The following KCNB2 variants were observed in gnomAD, a reference collection of about 807,000 sequenced individuals.
KCNB2 encodes the protein delayed rectifier potassium channel protein.
KCNB2 carries 15 observed loss-of-function variants against 61.5 expected under a neutral mutation model. The observed-to-expected ratio is 0.24, with a 90% CI of 0.16 to 0.38. The LOEUF (loss-of-function observed/expected upper bound fraction) is 0.38, where lower values mean the gene tolerates loss of function less well. Ranked by LOEUF, KCNB2 falls within the 10% of genes least tolerant of loss-of-function variation. KCNB2 has a pLI of 1.00. For synonymous variants in KCNB2, 457 were observed against 446.0 expected, an observed-to-expected ratio of 1.02 and a Z score of -0.31; for missense variants, 828 against 1,125.2, an observed-to-expected ratio of 0.74 and a Z score of 3.78.
chr8:72,563,726 T>C (rs1232230245), intron 1 of KCNB2, among the ~76,000 whole-genome samples: 2 of 152,116 alleles, frequency 1.3e-5, no homozygotes, highest in African/African-American at 4.8e-5. Flanking sequence ...TCAAAGGCAC[T>C]GTTGATCAGG....
chr8:72,923,531 A>AC lies in KCNB2; in HGVS notation c.580-12403dup, dbSNP rs564993421. Among the ~76,000 whole-genome samples the AC allele has an allele frequency of 8.4e-3, 1,284 of 152,244 alleles. 9 individuals are homozygous for AC. The highest frequency in any genetic ancestry group is 0.012 in the Non-Finnish European group (784 of 68,000). ...GTCCCTGAATTCCAAAGGGTGGAGCACATAATAAGGCATGTCCAACCCCCA... is the reference window on the plus strand; with the variant it reads ...GTCCCTGAATTCCAAAGGGTGGAGCACCATAATAAGGCATGTCCAACCCCCA... On this transcript the variant is annotated intron_variant, in intron 2 of 2. Coordinates refer to ENST00000523207, the MANE Select transcript of KCNB2 (RefSeq NM_004770.3).
At chr8:72,828,842 C>G (rs1809642199) in intron 2 of KCNB2, among the ~76,000 whole-genome samples, 1 of 152,122 alleles carries the variant, frequency 6.6e-6, no homozygotes, top group Non-Finnish European at 1.5e-5. Flanking sequence ...TTCTAGCACT[C>G]AAAGAAAGCT....
At chr8:72,741,606 A>G (rs1188590535) in intron 2 of KCNB2, among the ~76,000 whole-genome samples, 1 of 151,516 alleles carries the variant, frequency 6.6e-6, no homozygotes, top group Admixed American at 6.6e-5. Flanking sequence ...AGTCCATTGT[A>G]TCATTTTTAT....
intron 2 of KCNB2, among the ~76,000 whole-genome samples, chr8:72,655,331 A>G (rs1806274106): frequency 6.6e-6 from 1 of 152,120 alleles, no homozygotes. Context: ...AGATTGAAAA[A>G]CTACCTATTG....
At chr8:72,590,926 A>G (rs1468249703) in intron 2 of KCNB2, among the ~76,000 whole-genome samples, 1 of 152,196 alleles carries the variant, frequency 6.6e-6, no homozygotes, top group Non-Finnish European at 1.5e-5. Flanking sequence ...TTTTAATTAT[A>G]GTAGCTAAAA....
intron 2 of KCNB2, among the ~76,000 whole-genome samples, chr8:72,653,366 T>C (rs546003476): frequency 6.6e-6 from 1 of 152,294 alleles, no homozygotes; most frequent in South Asian, 2.1e-4. Flanking sequence ...TCTCAAGGAA[T>C]AGTTCCTCAG....
chr8:72,569,793 G>A (rs1232989923), intron 2 of KCNB2, among the ~76,000 whole-genome samples: 1 of 152,102 alleles, frequency 6.6e-6, no homozygotes, highest in African/African-American at 2.4e-5. Context: ...TATTGTGGGT[G>A]TTAAATGAAT....
intron 2 of KCNB2, among the ~76,000 whole-genome samples, chr8:72,756,688 C>T (rs1039686888): frequency 1.3e-5 from 2 of 152,158 alleles, no homozygotes; most frequent in Non-Finnish European, 2.9e-5. Context: ...TAGCCTCTGA[C>T]CCTTCTTACA....
intron 2 of KCNB2, among the ~76,000 whole-genome samples, chr8:72,836,465 G>T (rs982890387): frequency 2.0e-5 from 3 of 152,176 alleles, no homozygotes; most frequent in African/African-American, 7.2e-5. Flanking sequence ...TGCCAGCCTG[G>T]GTTGACTCCT....
intron 1 of KCNB2, among the ~76,000 whole-genome samples, chr8:72,544,421 G>A (rs772422514): frequency 2.8e-4 from 42 of 152,152 alleles, no homozygotes; most frequent in Admixed American, 6.5e-5. Flanking sequence ...TTTATTTTTG[G>A]CAACAATCTC....
At chr8:72,862,601 T>C (rs1805436773) in intron 2 of KCNB2, among the ~76,000 whole-genome samples, 1 of 152,226 alleles carries the variant, frequency 6.6e-6, no homozygotes, top group Admixed American at 6.5e-5. Flanking sequence ...ACTAAAATTA[T>C]AAAGGACAGG....
chr8:72,730,764 A>G (rs554157189), intron 2 of KCNB2, among the ~76,000 whole-genome samples: 1 of 152,332 alleles, frequency 6.6e-6, no homozygotes, highest in South Asian at 2.1e-4. Context: ...TCAGAATCAT[A>G]ACGTGTAATT....
At chr8:72,907,950 C>T (rs146125485) in intron 2 of KCNB2, among the ~76,000 whole-genome samples, 18 of 152,306 alleles carry the variant, frequency 1.2e-4, no homozygotes, top group African/African-American at 4.1e-4. Flanking sequence ...CACTTGTCTA[C>T]AAGAACTGTC....
intron 2 of KCNB2, chr8:72,732,144 T>C (rs1274847749): frequency 6.6e-6 from 1 of 152,284 alleles, no homozygotes; most frequent in Admixed American, 6.5e-5. Flanking sequence ...ATGTTTTCTT[T>C]TATTCTGTTG....
Position 72,704,500 on chromosome 8 carries a change from G to GGTGTGTGTGTGTGT in KCNB2, c.579+136212_579+136225dup, listed in dbSNP as rs10524175. ...CTCGGAGATACTGTCAGAGAAAGCT[G>GGTGTGTGTGTGTGT]GTGTGTGTGTGTGTGTGTGTGTGTG... On this transcript the variant is annotated intron_variant, in intron 2 of 2. Coordinates refer to ENST00000523207, the MANE Select transcript of KCNB2 (RefSeq NM_004770.3). Among the ~76,000 whole-genome samples, 47 of 147,650 alleles carry GGTGTGTGTGTGTGT rather than the reference G, an allele frequency of 3.2e-4. 1 individual carries two copies. The highest frequency in any genetic ancestry group is 1.0e-3 in the African/African-American group (41 of 40,768).
intron 2 of KCNB2, among the ~76,000 whole-genome samples, chr8:72,588,011 G>GT (rs1228218164): frequency 8.6e-5 from 13 of 151,838 alleles, no homozygotes; most frequent in Non-Finnish European, 4.4e-5. Context: ...CTTGTGCACT[G>GT]TTTTTGTGGA....
At chr8:72,756,386 T>C (rs1206300384) in intron 2 of KCNB2, among the ~76,000 whole-genome samples, 1 of 152,180 alleles carries the variant, frequency 6.6e-6, no homozygotes, top group Non-Finnish European at 1.5e-5. Context: ...ATGTCCTGTA[T>C]ATGAGCTTGG....
chr8:72,570,205 G>T (rs1208729632), intron 2 of KCNB2, among the ~76,000 whole-genome samples: 1 of 152,080 alleles, frequency 6.6e-6, no homozygotes, highest in Non-Finnish European at 1.5e-5. Flanking sequence ...AATTATGTCT[G>T]TATGTATAGA....
chr8:72,772,109 G>C (rs1287017214), intron 2 of KCNB2, among the ~76,000 whole-genome samples: 1 of 152,156 alleles, frequency 6.6e-6, no homozygotes, highest in African/African-American at 2.4e-5. Flanking sequence ...GAGGAGGCAA[G>C]AGCCAGGCAC....
Sources: allele counts gnomAD v4.1 joint callset (sites outside exome capture counted in the v4.1 genomes callset), GRCh38; gene constraint gnomAD v4.1.1; transcripts MANE v1.5; gene names NCBI Gene and HGNC (gene_info 2026-07-23, HGNC 2026-07-21).